Variants in CFAP74 observed in about 807,000 individuals in gnomAD.
CFAP74 encodes cilia- and flagella-associated protein 74.
In CFAP74, 124 loss-of-function variants were observed where a neutral mutation model predicts 188.9. The ratio of observed to expected loss-of-function variants is 0.66; its 90% CI spans 0.57 to 0.76. The LOEUF is 0.76. Among genes scored for constraint, CFAP74 ranks in the 30% least tolerant of loss-of-function variants. The pLI is 0.00. For synonymous variants in CFAP74, 956 were observed against 916.7 expected (o/e 1.04, Z -0.77); for missense variants, 2,198 against 2,165.2 (o/e 1.02, Z -0.30).
In CFAP74 at chr1:1,923,679, C is replaced by T; in HGVS notation, c.4389+96G>A. On this transcript the variant is annotated intron_variant, in intron 35 of 38. Coordinates refer to ENST00000682832, the MANE Select transcript of CFAP74 (RefSeq NM_001304360.2). The surrounding 1 kb of genome is among the most constrained non-coding windows in gnomAD (Gnocchi z 6.3). Reference sequence around the variant, plus strand: ...GTGCTGAGTCCCCCAGCCATGGTACCCTCAGGGCCTCCAAAGTGGAGCAGT... The same window carrying T: ...GTGCTGAGTCCCCCAGCCATGGTACTCTCAGGGCCTCCAAAGTGGAGCAGT... 6.3e-7 allele frequency: 1 copy of T among 1,575,596 alleles called. No individual in the cohort carries two copies. Among genetic ancestry groups the T allele is most frequent in the Non-Finnish European group, 8.7e-7 (1 of 1,148,682 alleles).
intron 10 of CFAP74, 118 bp downstream of exon 10, chr1:1,970,541 G>A: frequency 8.4e-7 from 1 of 1,197,172 alleles, no homozygotes; most frequent in African/African-American, 1.5e-5. Flanking sequence ...AGCCGCCTGA[G>A]TGGGCGCCCT....
intron 18 of CFAP74, among the ~76,000 whole-genome samples, chr1:1,949,507 A>AT (rs1190365473): frequency 6.7e-6 from 1 of 150,068 alleles, no homozygotes; most frequent in Non-Finnish European, 1.5e-5. Flanking sequence ...TTTATTTTTT[A>AT]TTTTTTTAAG....
rs182346969 is a variant in CFAP74, at chr1:1,933,101, T to C, written c.3012-2765A>G. 2.6e-3 allele frequency among the ~76,000 whole-genome samples: 402 copies of C among 151,708 alleles called. 6 individuals carry two copies. Among genetic ancestry groups the C allele is most frequent in the Middle Eastern group, 0.01 (3 of 292 alleles). On this transcript the variant is annotated intron_variant, in intron 25 of 38. Transcript: ENST00000682832. Reference sequence around the variant, plus strand: ...CGGGGTTTCAACGTGTTAGGCAGGATGGTCTTGATCTCCTGACCTCGTGAT... The same window carrying C: ...CGGGGTTTCAACGTGTTAGGCAGGACGGTCTTGATCTCCTGACCTCGTGAT...
At chr1:1,970,881 C>T in intron 9 of CFAP74, 65 bp from the exon 10 acceptor site, 1 of 1,575,686 alleles carries the variant, frequency 6.3e-7, no homozygotes, top group Non-Finnish European at 8.7e-7. Context: ...ACGCTCACAC[C>T]TGCACATGTG....
chr1:1,959,558 A>G (rs1040675625), intron 15 of CFAP74, among the ~76,000 whole-genome samples: 27 of 151,776 alleles, frequency 1.8e-4, no homozygotes, highest in Non-Finnish European at 3.7e-4. Context: ...AAGCCACCAC[A>G]CCCCTCCCTC....
At chr1:1,954,958 A>C (rs1654450120) in intron 18 of CFAP74, 5 of 1,188,264 alleles carry the variant, frequency 4.2e-6, no homozygotes, top group Non-Finnish European at 5.3e-6. Context: ...CACTGGCAGA[A>C]GGACGGATCT....
At chr1:1,970,174 G>A (rs1655842803) in intron 10 of CFAP74, among the ~76,000 whole-genome samples, 1 of 152,246 alleles carries the variant, frequency 6.6e-6, no homozygotes, top group African/African-American at 2.4e-5. Flanking sequence ...GACCCAAGCT[G>A]GCAGGAGGTG....
intron 14 of CFAP74, among the ~76,000 whole-genome samples, chr1:1,960,366 G>C (rs1353654769): frequency 6.6e-6 from 1 of 152,280 alleles, no homozygotes; most frequent in Non-Finnish European, 1.5e-5. Context: ...ACAGGTGCCA[G>C]GCCTGGGACC....
rs116663069 is a variant in CFAP74 at position 1,975,130 on chromosome 1, C to T, written c.501-932G>A. ...GCCACAGCTCTGTCCTAGACACCCG[C>T]GATCATGTTCATTTCCACTTCGTCT... On this transcript the variant is annotated intron_variant, in intron 6 of 38. Transcript: ENST00000682832. The surrounding 1 kb of genome is among the most constrained non-coding windows in gnomAD (Gnocchi z 4.5). 9.5e-4 allele frequency among the ~76,000 whole-genome samples: 145 copies of T among 152,328 alleles called. No individual in the cohort carries two copies. Among genetic ancestry groups the T allele is most frequent in the African/African-American group, 3.3e-3 (138 of 41,580 alleles).
chr1:1,970,264 C>A (rs922125370), intron 10 of CFAP74, among the ~76,000 whole-genome samples: 3 of 152,234 alleles, frequency 2.0e-5, no homozygotes, highest in African/African-American at 7.2e-5. Flanking sequence ...TGAGCAAGGG[C>A]AGGCCCAGCA....
chr1:1,982,723 G>A (rs868588522), intron 6 of CFAP74, among the ~76,000 whole-genome samples: 5 of 152,334 alleles, frequency 3.3e-5, no homozygotes, highest in Middle Eastern at 6.8e-3. Flanking sequence ...GGCTCCGGGC[G>A]CTCGGGGCCG....
chr1:1,995,318 C>T (rs1231381429), intron 1 of CFAP74, among the ~76,000 whole-genome samples: 2 of 151,794 alleles, frequency 1.3e-5, no homozygotes, highest in Admixed American at 1.3e-4. Context: ...ATAGTGAAAC[C>T]CCGTCTCTAC....
intron 27 of CFAP74, 111 bp downstream of exon 27, chr1:1,928,673 C>G: frequency 1.4e-6 from 1 of 738,184 alleles, no homozygotes; most frequent in Non-Finnish European, 2.2e-6. Flanking sequence ...AAAGGTCTAC[C>G]CTGTGCTCCC....
intron 12 of CFAP74, among the ~76,000 whole-genome samples, chr1:1,966,155 G>A (rs1274615204): frequency 1.3e-5 from 2 of 152,204 alleles, no homozygotes; most frequent in South Asian, 2.1e-4. Flanking sequence ...TCGAGCACGC[G>A]TGGTGCCCTC....
chr1:1,954,896 C>G, intron 18 of CFAP74: 1 of 1,146,732 alleles, frequency 8.7e-7, no homozygotes, highest in South Asian at 1.7e-5. Context: ...GGCCAAGGGG[C>G]AGTGCAGAAC....
chr1:1,946,658 C>G (rs966123765), intron 19 of CFAP74, among the ~76,000 whole-genome samples: 1 of 152,194 alleles, frequency 6.6e-6, no homozygotes, highest in Non-Finnish European at 1.5e-5. Flanking sequence ...CTGAACTCCT[C>G]CACATCCTCC....
rs1423275978 is a variant in CFAP74, at chr1:1,924,004, G to A, written c.4235-75C>T. On this transcript the variant is annotated intron_variant, in intron 34 of 38. Coordinates refer to ENST00000682832, the MANE Select transcript of CFAP74 (RefSeq NM_001304360.2). ...TCTGCCCTCCAAGCCTTGCTGCATA[G>A]AGCTCTACACCCTGCCCGCCCCCCT... 4.7e-6 allele frequency: 7 copies of A among 1,496,492 alleles called. No individual in the cohort carries two copies. The East Asian group carries it at 1.6e-4, about 35-fold the overall frequency. 92.7% of individuals were successfully genotyped at this position (1,496,492 alleles called of 1,614,324 possible).
chr1:1,931,235 C>T (rs1652342906), intron 25 of CFAP74, among the ~76,000 whole-genome samples: 1 of 151,504 alleles, frequency 6.6e-6, no homozygotes, highest in African/African-American at 2.4e-5. Flanking sequence ...CGAGACCATC[C>T]CGGCTAACAC....
chr1:1,923,125 G>T lies in CFAP74; in HGVS notation c.4543C>A (p.Leu1515Ile), dbSNP rs773654224. The change falls in exon 37 of 39, where the codon CTC (leucine) becomes ATC (isoleucine). Residue 1515 changes from leucine to isoleucine, a missense_variant. Physicochemically the swap from Leu to Ile is conservative, Grantham distance 5 (BLOSUM62 2). Transcript: ENST00000682832. The surrounding 1 kb of genome is among the most constrained non-coding windows in gnomAD (Gnocchi z 6.3). ...CTCAGCTCCTCAGCTTCTGGAGAGA[G>T]AGGGCCTGGCCGGGAGCTGGCTGGA... is the stretch of plus-strand genomic sequence containing the variant. ...HREASSRPGP[L>I]SPEAEELRPI... 2 of 1,609,652 alleles carry T rather than the reference G, an allele frequency of 1.2e-6. No homozygotes were observed. The highest frequency in any genetic ancestry group is 3.4e-5 in the Admixed American group (2 of 58,896).
Sources: gnomAD v4.1 joint callset for allele counts (sites outside exome capture counted in the v4.1 genomes callset) on GRCh38, gnomAD v4.1.1 for gene constraint, Gnocchi (gnomAD v3.1) non-coding constraint, MANE v1.5 for transcripts, NCBI Gene and HGNC (gene_info 2026-07-23, HGNC 2026-07-21) for gene names.